The following IQCH variants were observed in gnomAD, a reference collection of about 807,000 sequenced individuals.
IQCH encodes the protein IQ domain-containing protein H.
Under a neutral mutation model 117.0 loss-of-function variants are expected in IQCH, and 98 were observed. That is an observed-to-expected ratio of 0.84 (90% CI 0.71 to 0.99). The LOEUF (loss-of-function observed/expected upper bound fraction) is 0.99, where lower values mean the gene tolerates loss of function less well. Ranked by LOEUF, IQCH falls within the 50% of genes least tolerant of loss-of-function variation. IQCH has a pLI of 0.00. For missense variants in IQCH, 1,102 were observed against 1,243.8 expected (o/e 0.89, Z 1.72); for synonymous variants, 412 against 448.2 (o/e 0.92, Z 1.02).
chr15:67,417,203 A>C lies in IQCH; in HGVS notation c.2218+152A>C. Reference sequence around the variant, plus strand: ...GTTTTCTTTTTCAAATGTTGCCTAAATATTTATCTTACACCCAGCCTCTTA... The same window carrying C: ...GTTTTCTTTTTCAAATGTTGCCTAACTATTTATCTTACACCCAGCCTCTTA... On this transcript the variant is annotated intron_variant, in intron 15 of 20. Transcript: ENST00000335894. The surrounding 1 kb of genome is among the most constrained non-coding windows in gnomAD (Gnocchi z 4.3). 1.8e-6 allele frequency: 1 copy of C among 570,028 alleles called. No individual in the cohort carries two copies. Among genetic ancestry groups the C allele is most frequent in the Non-Finnish European group, 2.8e-6 (1 of 351,996 alleles). 35.3% of individuals were successfully genotyped at this position (570,028 alleles called of 1,614,324 possible).
chr15:67,428,847 CAAAA>C (rs541782495), intron 16 of IQCH, among the ~76,000 whole-genome samples: 2 of 81,216 alleles, frequency 2.5e-5, no homozygotes, highest in African/African-American at 4.9e-5. Context: ...GACTCTGTCT[CAAAA>C]AAAAAAAAAA....
chr15:67,389,143 G>A, intron 12 of IQCH, 137 bp downstream of exon 12: 1 of 672,104 alleles, frequency 1.5e-6, no homozygotes, highest in Non-Finnish European at 2.5e-6. Context: ...TAGACTACTA[G>A]TTGGTCTGTA....
intron 8 of IQCH, among the ~76,000 whole-genome samples, chr15:67,371,105 A>C (rs768461864): frequency 6.6e-6 from 1 of 152,168 alleles, no homozygotes; most frequent in African/African-American, 2.4e-5. Context: ...CCTAAGCAAG[A>C]AGAAACAATT....
rs1971829486 is a variant in IQCH, at chr15:67,404,988, C to G, written c.2097+4683C>G. The G allele has an allele frequency of 5.3e-5, 8 of 152,140 alleles. No individual in the cohort carries two copies. The South Asian group carries it at 1.7e-3, about 31-fold the overall frequency. The allele number at this position is 152,140 out of a possible 1,614,324, so 9.4% of individuals were successfully genotyped here. A position where few individuals can be genotyped will look rare whatever the true frequency, so the allele number is the denominator to read the frequency against. ...AAGCAACTGGCAGAGAATAAGAATA[C>G]TAGTTTTACCACAACCTTACCACCA... On this transcript the variant is annotated intron_variant, in intron 14 of 20. Transcript: ENST00000335894. The surrounding 1 kb of genome is among the most constrained non-coding windows in gnomAD (Gnocchi z 4.6).
Position 67,467,266 on chromosome 15 carries a change from A to G in IQCH, c.2676+1969A>G, listed in dbSNP as rs1459461085. 6.6e-6 allele frequency among the ~76,000 whole-genome samples: 1 copy of G among 152,196 alleles called. No homozygotes were observed. Among genetic ancestry groups the G allele is most frequent in the African/African-American group, 2.4e-5 (1 of 41,456 alleles). On this transcript the variant is annotated intron_variant, in intron 17 of 20. Coordinates refer to ENST00000335894, the MANE Select transcript of IQCH (RefSeq NM_001031715.3). This position sits in a 1 kb window ranked among gnomAD's most constrained non-coding sequence, Gnocchi z 5.7. ...TAAAGCTGGAAGCAGAGTGGTATTC[A>G]GCACAAGACTTCCAAAGACAATTGC...
intron 4 of IQCH, among the ~76,000 whole-genome samples, chr15:67,329,207 G>C (rs1372434318): frequency 6.6e-6 from 1 of 151,852 alleles, no homozygotes; most frequent in Non-Finnish European, 1.5e-5. Flanking sequence ...GCTGAGGTAG[G>C]AGGATTGCTT....
chr15:67,323,846 G>A lies in IQCH; in HGVS notation c.388-13129G>A, dbSNP rs577452956. Among the ~76,000 whole-genome samples the A allele has an allele frequency of 1.1e-4, 16 of 151,000 alleles. 1 individual carries two copies. The South Asian group carries it at 3.3e-3, about 32-fold the overall frequency. ...TTGTCTTTGAGAGAAATTAAGAGAAGAAAAAGATATTATCTTTTATATTTG... is the reference window on the plus strand; with the variant it reads ...TTGTCTTTGAGAGAAATTAAGAGAAAAAAAAGATATTATCTTTTATATTTG... On this transcript the variant is annotated intron_variant, in intron 4 of 20. Transcript: ENST00000335894.
intron 6 of IQCH, among the ~76,000 whole-genome samples, chr15:67,354,569 G>T (rs1158643897): frequency 6.6e-6 from 1 of 151,622 alleles, no homozygotes; most frequent in Non-Finnish European, 1.5e-5. Flanking sequence ...GATGATCATT[G>T]TTGCCACCAT....
chr15:67,460,285 C>T (rs1480683843), intron 16 of IQCH, among the ~76,000 whole-genome samples: 3 of 152,120 alleles, frequency 2.0e-5, no homozygotes, highest in African/African-American at 4.8e-5. Context: ...TATACAGTTG[C>T]AGTTATCGTG....
Position 67,271,209 on chromosome 15 carries a change from C to T in IQCH, c.269+7993C>T, listed in dbSNP as rs572843091. ...GGTCTCGAACTCCTGACGTTGTGAT[C>T]CGCCCAGCTTGGCCTCCCAAAGTGC... On this transcript the variant is annotated intron_variant, in intron 3 of 20. Transcript: ENST00000335894. 3.3e-5 allele frequency among the ~76,000 whole-genome samples: 5 copies of T among 152,294 alleles called. No homozygotes were observed. In the South Asian group the frequency reaches 1.0e-3, roughly 32 times the overall value.
intron 14 of IQCH, among the ~76,000 whole-genome samples, chr15:67,400,623 T>G (rs182036925): frequency 6.6e-6 from 1 of 151,618 alleles, no homozygotes; most frequent in Non-Finnish European, 1.5e-5. Context: ...TAGTGGGGAC[T>G]ACAGGCATGC....
At chr15:67,312,355 T>C (rs1417292319) in intron 4 of IQCH, among the ~76,000 whole-genome samples, 1 of 152,048 alleles carries the variant, frequency 6.6e-6, no homozygotes, top group East Asian at 1.9e-4. Context: ...TGAGAAGGGG[T>C]CTGTAGGCTT....
At chr15:67,280,480 T>C (rs758282126) in intron 4 of IQCH, among the ~76,000 whole-genome samples, 1 of 152,226 alleles carries the variant, frequency 6.6e-6, no homozygotes, top group African/African-American at 2.4e-5. Flanking sequence ...GAGGTCTTTC[T>C]TCCTAGTTTG....
chr15:67,257,416 T>C (rs1035188734), intron 1 of IQCH, among the ~76,000 whole-genome samples: 3 of 152,248 alleles, frequency 2.0e-5, no homozygotes, highest in Non-Finnish European at 4.4e-5. Context: ...GTTACGTCTG[T>C]GTATCAGTCA....
chr15:67,306,164 T>G (rs1368228537), intron 4 of IQCH, among the ~76,000 whole-genome samples: 1 of 152,110 alleles, frequency 6.6e-6, no homozygotes, highest in Non-Finnish European at 1.5e-5. Context: ...TGAAAAACAG[T>G]ATTTTCATTT....
chr15:67,340,426 CAAAAAAAAAAAAAAAAAAAAAAAAA>C (rs57244130), intron 5 of IQCH, among the ~76,000 whole-genome samples: 1 of 62,664 alleles, frequency 1.6e-5, no homozygotes, highest in African/African-American at 6.5e-5. Context: ...TACTCCATCT[CAAAAAAAAAAAAAAAAAAAAAAAAA>C]AAAAAAAAAA....
intron 5 of IQCH, among the ~76,000 whole-genome samples, chr15:67,338,891 G>C (rs1240347953): frequency 2.0e-5 from 3 of 152,052 alleles, no homozygotes; most frequent in Non-Finnish European, 4.4e-5. Flanking sequence ...TAGCCACCTA[G>C]GCCTTCGCTC....
At chr15:67,380,077 C>T (rs928232963) in intron 10 of IQCH, among the ~76,000 whole-genome samples, 22 of 152,164 alleles carry the variant, frequency 1.4e-4, no homozygotes, top group African/African-American at 4.8e-4. Flanking sequence ...GTCTCGAACT[C>T]CCAACCTCAG....
At chr15:67,351,307 T>C (rs1223021303) in intron 6 of IQCH, among the ~76,000 whole-genome samples, 1 of 152,110 alleles carries the variant, frequency 6.6e-6, no homozygotes, top group Non-Finnish European at 1.5e-5. Context: ...GTTCTCATTG[T>C]TCAGCTCCCA....
Sources: gnomAD v4.1 joint callset for allele counts (sites outside exome capture counted in the v4.1 genomes callset) on GRCh38, gnomAD v4.1.1 for gene constraint, Gnocchi (gnomAD v3.1) non-coding constraint, MANE v1.5 for transcripts, NCBI Gene and HGNC (gene_info 2026-07-23, HGNC 2026-07-21) for gene names.